Variants in UBR3 observed in about 807,000 individuals in gnomAD.
UBR3 encodes ubiquitin protein ligase E3 component n-recognin 3.
In UBR3, 85 loss-of-function variants were observed where a neutral mutation model predicts 243.2. That is an observed-to-expected ratio of 0.35 (90% CI 0.29 to 0.42). UBR3 has a LOEUF of 0.42. UBR3 is among the 10% of genes least tolerant of loss of function. The pLI is 1.00. For missense variants in UBR3, 1,686 were observed against 2,300.8 expected, an observed-to-expected ratio of 0.73 and a Z score of 5.47; for synonymous variants, 748 against 799.8, an observed-to-expected ratio of 0.94 and a Z score of 1.09.
At position 170,037,658 on chromosome 2, in the gene UBR3, G is replaced by A. The variant is rs183170699; in HGVS notation, c.4557-3224G>A. Among the ~76,000 whole-genome samples, 249 of 152,246 alleles carry A rather than the reference G, an allele frequency of 1.6e-3. 2 individuals are homozygous for A. Among genetic ancestry groups the A allele is most frequent in the Non-Finnish European group, 2.5e-3 (167 of 68,014 alleles). On this transcript the variant is annotated intron_variant, in intron 31 of 38. Coordinates refer to ENST00000272793, the MANE Select transcript of UBR3 (RefSeq NM_172070.4). ...CCACCTTGGCCTCCCTAAGTGTTGGGATTACAGGCGTGAGCCACTGCATCT... is the reference window on the plus strand; with the variant it reads ...CCACCTTGGCCTCCCTAAGTGTTGGAATTACAGGCGTGAGCCACTGCATCT...
chr2:169,865,922 G>C (rs1327796557), intron 1 of UBR3, among the ~76,000 whole-genome samples: 1 of 152,062 alleles, frequency 6.6e-6, no homozygotes, highest in East Asian at 1.9e-4. Flanking sequence ...AGCTGAGGCT[G>C]GTGCATCACC....
intron 1 of UBR3, among the ~76,000 whole-genome samples, chr2:169,830,448 G>C (rs2081896160): frequency 6.6e-6 from 1 of 152,032 alleles, no homozygotes; most frequent in Admixed American, 6.5e-5. Flanking sequence ...TTTATTCTTT[G>C]ACTCTGAGAT....
chr2:169,983,146 C>T (rs141924268), intron 24 of UBR3, among the ~76,000 whole-genome samples: 21 of 151,132 alleles, frequency 1.4e-4, no homozygotes, highest in African/African-American at 4.9e-4. Flanking sequence ...GAGAGAGAAA[C>T]TGTGCAAGGT....
At chr2:169,919,358 A>C (rs1379581191) in intron 11 of UBR3, among the ~76,000 whole-genome samples, 1 of 152,238 alleles carries the variant, frequency 6.6e-6, no homozygotes, top group Non-Finnish European at 1.5e-5. Context: ...AGGTTCTTTT[A>C]ATGCAAGGGG....
rs10606818 is a variant in UBR3 at position 170,024,353 on chromosome 2, CAAAAAAAAAA to C, written c.4454-4980_4454-4971del. ...TGGGCGACAGTGCGAGACTCCATCTCAAAAAAAAAAAAAAAAAAAAAAGAGAAAAGAAATA... is the reference window on the plus strand; with the variant it reads ...TGGGCGACAGTGCGAGACTCCATCTCAAAAAAAAAAAAGAGAAAAGAAATA... On this transcript the variant is annotated intron_variant, in intron 30 of 38. Coordinates refer to ENST00000272793, the MANE Select transcript of UBR3 (RefSeq NM_172070.4). Among the ~76,000 whole-genome samples, 335 of 101,952 alleles carry C rather than the reference CAAAAAAAAAA, an allele frequency of 3.3e-3. 8 individuals carry two copies. In the East Asian group the frequency reaches 0.052, roughly 16 times the overall value. 66.9% of individuals were successfully genotyped at this position (101,952 alleles called of 152,430 possible).
In UBR3 at chr2:170,073,530, G is replaced by T. The variant is rs1395403120; in HGVS notation, c.5122G>T (p.Val1708Phe). 1.2e-6 allele frequency: 2 copies of T among 1,613,726 alleles called. No individual in the cohort carries two copies. Among genetic ancestry groups the T allele is most frequent in the Non-Finnish European group, 8.5e-7 (1 of 1,179,754 alleles). Reference protein sequence around the residue: ...FISASCLDWPVPAFDIITQWC... With the variant: ...FISASCLDWPFPAFDIITQWC... ...CAGTGCCTCCTGTCTGGATTGGCCA[G>T]TTCCAGCATTTGATATTATAACTCA... The change falls in exon 36 of 39, where the codon GTT (valine) becomes TTT (phenylalanine). Residue 1708 changes from valine (V) to phenylalanine (F), a missense_variant. Val to Phe is a conservative substitution (Grantham distance 50). Transcript: ENST00000272793.
At chr2:170,057,418 CTATTTTTCCTAAATATTCTTTTAATT>C (rs1458389105) in intron 33 of UBR3, among the ~76,000 whole-genome samples, 1 of 152,080 alleles carries the variant, frequency 6.6e-6, no homozygotes, top group Non-Finnish European at 1.5e-5. Flanking sequence ...CTTGCCTGGC[CTATTTTTCCTAAATATTCTTTTAATT>C]TTTCTGACTG....
chr2:169,903,279 AGTTT>A (rs1289017512), intron 8 of UBR3, among the ~76,000 whole-genome samples: 1 of 152,136 alleles, frequency 6.6e-6, no homozygotes, highest in Non-Finnish European at 1.5e-5. Flanking sequence ...GAAAATAGTG[AGTTT>A]GATTAATTAT....
chr2:169,889,550 AG>A (rs1175133935), intron 5 of UBR3, among the ~76,000 whole-genome samples: 3 of 152,068 alleles, frequency 2.0e-5, no homozygotes, highest in African/African-American at 7.2e-5. Context: ...CTATCTTTTA[AG>A]GCTTCATATT....
intron 5 of UBR3, among the ~76,000 whole-genome samples, chr2:169,886,946 C>T (rs2084124817): frequency 6.6e-6 from 1 of 152,078 alleles, no homozygotes; most frequent in Admixed American, 6.5e-5. Flanking sequence ...TTCCTTCTAG[C>T]CCTGTGTAGT....
chr2:169,924,039 C>G, intron 12 of UBR3, 45 bp downstream of exon 12: 1 of 1,515,990 alleles, frequency 6.6e-7, no homozygotes, highest in Non-Finnish European at 8.8e-7. Context: ...TTTTAATTTT[C>G]AGAAATAAGA....
intron 24 of UBR3, among the ~76,000 whole-genome samples, chr2:169,972,051 C>A (rs976019900): frequency 3.3e-5 from 5 of 152,014 alleles, no homozygotes; most frequent in Admixed American, 6.6e-5. Context: ...AGAGAAGAAT[C>A]AAATAGACGC....
At position 169,946,367 on chromosome 2, in the gene UBR3, C is replaced by A; in HGVS notation, c.2885C>A (p.Ser962Tyr). The A allele has an allele frequency of 2.0e-6, 3 of 1,501,608 alleles. No individual in the cohort carries two copies. The highest frequency in any genetic ancestry group is 1.4e-5 in the African/African-American group (1 of 70,880). The allele number at this position is 1,501,608 out of a possible 1,614,324, so 93.0% of individuals were successfully genotyped here. A position where few individuals can be genotyped will look rare whatever the true frequency, so the allele number is the denominator to read the frequency against. The change falls in exon 21 of 39, where the codon TCT (serine) becomes TAT (tyrosine). Residue 962 changes from serine to tyrosine, a missense_variant. This residue lies in a region of UBR3 where 300 missense variants were observed against 314.4 expected (regional missense o/e 0.95). Coordinates refer to ENST00000272793, the MANE Select transcript of UBR3 (RefSeq NM_172070.4). ...LYLIELGLENSAEEESDEEAS... is the reference protein window; with the variant it reads ...LYLIELGLENYAEEESDEEAS... ...CTGATTGAATTAGGACTTGAAAATT[C>A]TGCTGAAGAAGAATCAGATGAAGAG...
At chr2:170,073,374 T>C (rs988067325) in intron 35 of UBR3, 54 bp from the exon 36 acceptor site, 1 of 1,598,884 alleles carries the variant, frequency 6.3e-7, no homozygotes, top group Non-Finnish European at 8.6e-7. Flanking sequence ...TTTTATGTAA[T>C]AGGAAATGTT....
At chr2:170,000,283 G>T (rs950156053) in intron 26 of UBR3, among the ~76,000 whole-genome samples, 5 of 152,164 alleles carry the variant, frequency 3.3e-5, no homozygotes, top group African/African-American at 1.2e-4. Context: ...GACTAGATTT[G>T]TACTTTATAA....
At chr2:169,957,778 A>C (rs561414489) in intron 23 of UBR3, among the ~76,000 whole-genome samples, 106 of 152,234 alleles carry the variant, frequency 7.0e-4, no homozygotes, top group Non-Finnish European at 1.2e-3. Context: ...TAAGGCATAC[A>C]TAATAAATAT....
chr2:170,023,773 A>G (rs2090454158), intron 30 of UBR3, among the ~76,000 whole-genome samples: 1 of 152,064 alleles, frequency 6.6e-6, no homozygotes, highest in Non-Finnish European at 1.5e-5. Flanking sequence ...TTGTATTTTT[A>G]GTAGAGATGG....
At chr2:169,944,711 G>A (rs938753907) in intron 20 of UBR3, among the ~76,000 whole-genome samples, 4 of 151,486 alleles carry the variant, frequency 2.6e-5, no homozygotes, top group Admixed American at 1.3e-4. Flanking sequence ...ACCTAATAGA[G>A]GGATGTTTTC....
chr2:170,049,083 C>T (rs1295038907), intron 32 of UBR3, among the ~76,000 whole-genome samples: 1 of 152,164 alleles, frequency 6.6e-6, no homozygotes, highest in African/African-American at 2.4e-5. Flanking sequence ...CTTCCCACCC[C>T]ACTCCACCAT....
Sources: gnomAD v4.1 joint callset for allele counts (sites outside exome capture counted in the v4.1 genomes callset) on GRCh38, gnomAD v4.1.1 for gene constraint, gnomAD v4.1.1 regional missense constraint, MANE v1.5 for transcripts, NCBI Gene and HGNC (gene_info 2026-07-23, HGNC 2026-07-21) for gene names.